Variants in ADARB2 observed in about 807,000 individuals in gnomAD.
The protein encoded by ADARB2 is adenosine deaminase RNA specific B2 (inactive).
A neutral mutation model predicts 62.2 loss-of-function variants in ADARB2; 25 were observed. The observed-to-expected ratio is 0.40, with a 90% CI of 0.29 to 0.56. The LOEUF (loss-of-function observed/expected upper bound fraction) is 0.56, where lower values mean the gene tolerates loss of function less well. Among genes scored for constraint, ADARB2 ranks in the 20% least tolerant of loss-of-function variants. The pLI is 0.43. For synonymous variants in ADARB2, 572 were observed against 500.8 expected (o/e 1.14, Z -1.90); for missense variants, 1,071 against 1,077.4 (o/e 0.99, Z 0.08).
chr10:1,674,623 C>T (rs1324443894), intron 1 of ADARB2, among the ~76,000 whole-genome samples: 1 of 152,148 alleles, frequency 6.6e-6, no homozygotes, highest in Non-Finnish European at 1.5e-5. Context: ...TGGGAGGTCA[C>T]AGGGTCCGGT....
rs944620637 is a variant in ADARB2 at position 1,177,534 on chromosome 10, T to G, written c.*5659A>C. 1 of 152,194 alleles carries G rather than the reference T, an allele frequency of 6.6e-6. No individual in the cohort carries two copies. The highest frequency in any genetic ancestry group is 1.5e-5 in the Non-Finnish European group (1 of 68,024). The allele number at this position is 152,194 out of a possible 1,614,324, so 9.4% of individuals were successfully genotyped here. On this transcript the variant is annotated 3_prime_UTR_variant, in exon 10 of 10. Transcript: ENST00000381312. ...TACCTTCAATTAGAATTACTATGTG[T>G]TAAGTTCATTTTGCTTACAAAATGC...
At position 1,673,663 on chromosome 10, in the gene ADARB2, A is replaced by G. The variant is rs368694202; in HGVS notation, c.100+63388T>C. The stretch of plus-strand genomic sequence containing the variant: ...CTGAGCACTACGGGAACGTCGGATC[A>G]TAACGATGACGAAGGAAAGGGCGAA... On this transcript the variant is annotated intron_variant, in intron 1 of 9. Coordinates refer to ENST00000381312, the MANE Select transcript of ADARB2 (RefSeq NM_018702.4). 5.3e-5 allele frequency among the ~76,000 whole-genome samples: 8 copies of G among 152,370 alleles called. No individual in the cohort carries two copies. In the East Asian group the frequency reaches 1.4e-3, roughly 26 times the overall value.
chr10:1,228,094 G>C (rs1830764598), intron 6 of ADARB2, among the ~76,000 whole-genome samples: 1 of 152,152 alleles, frequency 6.6e-6, no homozygotes, highest in Non-Finnish European at 1.5e-5. Context: ...ACTTCCTATG[G>C]GATTTTCGTT....
At chr10:1,330,711 C>T (rs1393032387) in intron 3 of ADARB2, among the ~76,000 whole-genome samples, 1 of 152,002 alleles carries the variant, frequency 6.6e-6, no homozygotes. Flanking sequence ...AGCTAGGACA[C>T]CAAAAGCACA....
intron 1 of ADARB2, among the ~76,000 whole-genome samples, chr10:1,455,131 C>T (rs1379423845): frequency 6.6e-6 from 1 of 152,162 alleles, no homozygotes; most frequent in Non-Finnish European, 1.5e-5. Flanking sequence ...ACAGGCAAAG[C>T]CACATCCTGC....
intron 1 of ADARB2, among the ~76,000 whole-genome samples, chr10:1,466,177 G>A (rs1403390952): frequency 6.6e-6 from 1 of 152,212 alleles, no homozygotes; most frequent in African/African-American, 2.4e-5. Context: ...CCTGCAGAGA[G>A]CCCATGGGTG....
intron 1 of ADARB2, among the ~76,000 whole-genome samples, chr10:1,512,779 T>C (rs1021644998): frequency 1.3e-5 from 2 of 152,238 alleles, no homozygotes; most frequent in African/African-American, 4.8e-5. Context: ...CAGGTGCTCT[T>C]ACGTGTCCCA....
rs1470784094 is a variant in ADARB2, at chr10:1,217,136, CG to C, written c.1514-18del. 1.3e-6 allele frequency: 2 copies of C among 1,554,524 alleles called. No homozygotes were observed. The highest frequency in any genetic ancestry group is 8.7e-7 in the Non-Finnish European group (1 of 1,147,810). On this transcript the variant is annotated intron_variant, in intron 6 of 9. Transcript: ENST00000381312. Reference sequence around the variant, plus strand: ...TGCTGTGCACTAGGAGATAAAAGGGCGGGGAGGGGTGAGAAGAGGGAAGCCG... The same window carrying C: ...TGCTGTGCACTAGGAGATAAAAGGGCGGGAGGGGTGAGAAGAGGGAAGCCG...
At chr10:1,698,341 A>T (rs920857947) in intron 1 of ADARB2, among the ~76,000 whole-genome samples, 10 of 152,152 alleles carry the variant, frequency 6.6e-5, no homozygotes, top group Admixed American at 5.2e-4. Flanking sequence ...GGCCACTCTG[A>T]CCTTTGAGAG....
intron 1 of ADARB2, among the ~76,000 whole-genome samples, chr10:1,478,915 A>C (rs1258230783): frequency 6.6e-6 from 1 of 152,212 alleles, no homozygotes; most frequent in African/African-American, 2.4e-5. Context: ...CAGGTGGGAG[A>C]GAACCAAGAT....
intron 1 of ADARB2, among the ~76,000 whole-genome samples, chr10:1,712,420 G>A (rs1045228448): frequency 2.6e-5 from 4 of 152,028 alleles, no homozygotes; most frequent in Non-Finnish European, 4.4e-5. Context: ...GTGTATTGCA[G>A]AATATACTGC....
chr10:1,603,288 G>C (rs983438118), intron 1 of ADARB2, among the ~76,000 whole-genome samples: 2 of 152,184 alleles, frequency 1.3e-5, no homozygotes, highest in African/African-American at 4.8e-5. Context: ...TGTCAGGGAC[G>C]GCCATGGCTA....
intron 1 of ADARB2, among the ~76,000 whole-genome samples, chr10:1,594,027 C>T (rs1833300810): frequency 6.6e-6 from 1 of 152,162 alleles, no homozygotes; most frequent in East Asian, 1.9e-4. Context: ...TGCAGTGGCT[C>T]ATGCTTGTAA....
chr10:1,373,578 G>A (rs910310308), intron 2 of ADARB2, among the ~76,000 whole-genome samples: 14 of 152,150 alleles, frequency 9.2e-5, no homozygotes, highest in African/African-American at 3.4e-4. Flanking sequence ...ACTTTGTGTG[G>A]ATGTGTGTGT....
At chr10:1,410,665 C>G (rs1255141583) in intron 1 of ADARB2, among the ~76,000 whole-genome samples, 1 of 152,210 alleles carries the variant, frequency 6.6e-6, no homozygotes, top group African/African-American at 2.4e-5. Context: ...TCCTCGGTGT[C>G]TGCCACAGCG....
At chr10:1,202,607 C>T (rs1271328446) in intron 7 of ADARB2, among the ~76,000 whole-genome samples, 1 of 152,214 alleles carries the variant, frequency 6.6e-6, no homozygotes. Context: ...GATGCCCGTT[C>T]TCAGATTTGG....
intron 3 of ADARB2, among the ~76,000 whole-genome samples, chr10:1,312,145 T>C (rs888594051): frequency 3.3e-5 from 5 of 152,252 alleles, no homozygotes; most frequent in African/African-American, 1.2e-4. Flanking sequence ...TGCAGTGTCC[T>C]GGATTTGCAG....
At chr10:1,403,928 G>A (rs1473242787) in intron 1 of ADARB2, among the ~76,000 whole-genome samples, 2 of 152,208 alleles carry the variant, frequency 1.3e-5, no homozygotes, top group Non-Finnish European at 1.5e-5. Flanking sequence ...GGGTGTGTCT[G>A]CAGGGCACTG....
At chr10:1,333,426 G>A (rs929136909) in intron 3 of ADARB2, among the ~76,000 whole-genome samples, 2 of 152,168 alleles carry the variant, frequency 1.3e-5, no homozygotes, top group African/African-American at 4.8e-5. Flanking sequence ...CCAGGGTTCA[G>A]ATCCTGAGTT....
Sources: gnomAD v4.1 joint callset for allele counts (sites outside exome capture counted in the v4.1 genomes callset) on GRCh38, gnomAD v4.1.1 for gene constraint, MANE v1.5 for transcripts, NCBI Gene and HGNC (gene_info 2026-07-23, HGNC 2026-07-21) for gene names.